Variants in MAST2 observed in about 807,000 individuals in gnomAD.
MAST2 encodes microtubule associated serine/threonine kinase 2, also known as microtubule-associated serine/threonine-protein kinase 2.
A neutral mutation model predicts 147.4 loss-of-function variants in MAST2; 70 were observed. That is an observed-to-expected ratio of 0.47 (90% confidence interval 0.39 to 0.58). The LOEUF is 0.58. Ranked by LOEUF, MAST2 falls within the 20% of genes least tolerant of loss-of-function variation. The probability of loss-of-function intolerance (pLI) is 0.00; values close to 1 mark genes in which losing one functional copy is unlikely to be tolerated. For missense variants in MAST2, 2,080 were observed against 2,302.3 expected (o/e 0.90, Z 1.98); for synonymous variants, 869 against 896.8 (o/e 0.97, Z 0.55).
chr1:46,028,620 G>A (rs1646510025), intron 17 of MAST2, 148 bp from the exon 18 acceptor site: 4 of 756,692 alleles, frequency 5.3e-6, no homozygotes, highest in Non-Finnish European at 4.4e-6. Context: ...GTTCCCTGGG[G>A]CTTCTGTTGA....
At chr1:45,853,149 C>T (rs915882725) in intron 3 of MAST2, among the ~76,000 whole-genome samples, 2 of 151,898 alleles carry the variant, frequency 1.3e-5, no homozygotes, top group African/African-American at 4.8e-5. Context: ...AGGCTGGTCT[C>T]GAACTCCTGA....
intron 4 of MAST2, among the ~76,000 whole-genome samples, chr1:45,906,751 G>A (rs1280740438): frequency 6.6e-6 from 1 of 151,518 alleles, no homozygotes; most frequent in Non-Finnish European, 1.5e-5. Flanking sequence ...AGCATACAAT[G>A]TTTCTATAAA....
chr1:45,969,003 C>G (rs1643775433), intron 5 of MAST2, among the ~76,000 whole-genome samples: 5 of 151,926 alleles, frequency 3.3e-5, no homozygotes. Context: ...CAAAGGCATT[C>G]TTCAGTTCTG....
At chr1:45,882,485 C>A in intron 4 of MAST2, 90 bp downstream of exon 4, 1 of 1,001,936 alleles carries the variant, frequency 1.0e-6, no homozygotes, top group Admixed American at 2.0e-5. Context: ...GGAGGAATCC[C>A]GCTCAGTACA....
chr1:45,906,597 ATAT>A (rs981354782), intron 4 of MAST2, among the ~76,000 whole-genome samples: 35 of 148,468 alleles, frequency 2.4e-4, no homozygotes, highest in Non-Finnish European at 4.6e-4. Flanking sequence ...AATGTTGTAT[ATAT>A]TATTGTTATT....
At position 46,034,822 on chromosome 1, in the gene MAST2, G is replaced by A; in HGVS notation, c.4153G>A (p.Gly1385Ser). ...AAAGCTTCACTTGTCACCTCCCCTG[G>A]GCAGGCAACTCTCACGGCCCAAGAG... ...PTKLHLSPPL[G>S]RQLSRPKSAE... is the part of the protein sequence containing the mutation. The change falls in exon 29 of 29, where the codon GGC (glycine) becomes AGC (serine). Residue 1385 changes from glycine to serine, a missense_variant. This residue lies in a region of MAST2 where 1,278 missense variants were observed against 1,304.2 expected (regional missense o/e 0.98). Transcript: ENST00000361297. 6.2e-7 allele frequency: 1 copy of A among 1,614,140 alleles called. No individual in the cohort carries two copies. Among genetic ancestry groups the A allele is most frequent in the Non-Finnish European group, 8.5e-7 (1 of 1,180,034 alleles).
intron 3 of MAST2, among the ~76,000 whole-genome samples, chr1:45,842,932 T>C (rs1232729498): frequency 6.6e-6 from 1 of 152,220 alleles, no homozygotes; most frequent in Non-Finnish European, 1.5e-5. Context: ...CTCTATATCT[T>C]TGTCAACTTG....
intron 4 of MAST2, among the ~76,000 whole-genome samples, chr1:45,951,713 G>A (rs1221678084): frequency 6.6e-6 from 1 of 152,240 alleles, no homozygotes; most frequent in Non-Finnish European, 1.5e-5. Context: ...AATTGAAAAT[G>A]CAACAGTCGT....
chr1:45,936,777 C>T lies in MAST2; in HGVS notation c.501-22609C>T, dbSNP rs115859619. Among the ~76,000 whole-genome samples, 443 of 152,234 alleles carry T rather than the reference C, an allele frequency of 2.9e-3. 3 individuals carry two copies. Among genetic ancestry groups the T allele is most frequent in the East Asian group, 0.02 (104 of 5,178 alleles). ...CCAGCCACATGGCCACCATCATCAT[C>T]ATCATCTTGTGGCCTCTAGACTGAA... On this transcript the variant is annotated intron_variant, in intron 4 of 28. Transcript: ENST00000361297.
At chr1:45,822,066 T>C (rs1360357528) in intron 1 of MAST2, among the ~76,000 whole-genome samples, 2 of 151,546 alleles carry the variant, frequency 1.3e-5, no homozygotes, top group African/African-American at 4.9e-5. Flanking sequence ...TTTTTGTATT[T>C]TTAGTAGAGA....
At chr1:45,987,782 T>TTTTTTTTTTTTTTTTTTTTTTTTTTTTTG in intron 5 of MAST2, among the ~76,000 whole-genome samples, 1 of 139,390 alleles carries the variant, frequency 7.2e-6, no homozygotes, top group Non-Finnish European at 1.6e-5. Flanking sequence ...TTTTGATTTT[T>TTTTTTTTTTTTTTTTTTTTTTTTTTTTTG]TTTTTTTTTT....
intron 7 of MAST2, among the ~76,000 whole-genome samples, chr1:46,004,251 C>T (rs775440455): frequency 4.0e-5 from 6 of 151,312 alleles, no homozygotes; most frequent in East Asian, 1.9e-4. Context: ...GTAGTCCCAG[C>T]GTCTCAGGAG....
chr1:45,842,710 T>A (rs1420315586), intron 3 of MAST2, among the ~76,000 whole-genome samples: 2 of 152,248 alleles, frequency 1.3e-5, no homozygotes, highest in Non-Finnish European at 2.9e-5. Context: ...GACACTGGGC[T>A]GTTTCCACCT....
At chr1:45,911,178 G>A (rs1300302127) in intron 4 of MAST2, among the ~76,000 whole-genome samples, 1 of 152,096 alleles carries the variant, frequency 6.6e-6, no homozygotes, top group Non-Finnish European at 1.5e-5. Context: ...CCAGTCCCAG[G>A]GAAATGTTAG....
At chr1:46,024,830 C>A (rs556593312) in intron 15 of MAST2, among the ~76,000 whole-genome samples, 2 of 152,220 alleles carry the variant, frequency 1.3e-5, no homozygotes, top group African/African-American at 2.4e-5. Context: ...TTTCCACCCC[C>A]CTCCATACCC....
rs539043687 is a variant in MAST2 at position 45,806,116 on chromosome 1, A to T, written c.177+2044A>T. 2.0e-5 allele frequency among the ~76,000 whole-genome samples: 3 copies of T among 152,238 alleles called. No individual in the cohort carries two copies. The East Asian group carries it at 5.8e-4, about 29-fold the overall frequency. Reference sequence around the variant, plus strand: ...CAGAATGAGTACCTGTATGATCACAACTCACATCAGGATGGAGAACATTCC... The same window carrying T: ...CAGAATGAGTACCTGTATGATCACATCTCACATCAGGATGGAGAACATTCC... On this transcript the variant is annotated intron_variant, in intron 1 of 28. Coordinates refer to ENST00000361297, the MANE Select transcript of MAST2 (RefSeq NM_015112.3).
At chr1:45,835,999 TTGTC>T (rs1645091464) in intron 3 of MAST2, among the ~76,000 whole-genome samples, 1 of 152,250 alleles carries the variant, frequency 6.6e-6, no homozygotes, top group South Asian at 2.1e-4. Context: ...TTTTATCCGT[TTGTC>T]TGCTGATAGA....
At chr1:45,935,218 T>C (rs1408204523) in intron 4 of MAST2, among the ~76,000 whole-genome samples, 3 of 152,202 alleles carry the variant, frequency 2.0e-5, no homozygotes, top group Non-Finnish European at 4.4e-5. Flanking sequence ...TCTGTTCATG[T>C]CTTTTGCCTA....
At chr1:45,835,673 G>A (rs1645081892) in intron 3 of MAST2, among the ~76,000 whole-genome samples, 1 of 152,026 alleles carries the variant, frequency 6.6e-6, no homozygotes, top group Non-Finnish European at 1.5e-5. Context: ...TTCACAATGT[G>A]TGCAGCCATC....
Sources: gnomAD v4.1 joint callset for allele counts (sites outside exome capture counted in the v4.1 genomes callset) on GRCh38, gnomAD v4.1.1 for gene constraint, gnomAD v4.1.1 regional missense constraint, MANE v1.5 for transcripts, NCBI Gene and HGNC (gene_info 2026-07-23, HGNC 2026-07-21) for gene names.